Variants in PTPN4 observed in about 807,000 individuals in gnomAD.
PTPN4 encodes tyrosine-protein phosphatase non-receptor type 4.
In PTPN4, 49 loss-of-function variants were observed where a neutral mutation model predicts 135.5. The observed-to-expected ratio is 0.36, with a 90% CI of 0.29 to 0.46. The LOEUF is 0.46. Among genes scored for constraint, PTPN4 ranks in the 20% least tolerant of loss-of-function variants. The pLI is 1.00. For synonymous variants in PTPN4, 333 were observed against 369.9 expected (o/e 0.90, Z 1.14); for missense variants, 860 against 1,101.0 (o/e 0.78, Z 3.10).
At chr2:119,881,120 G>C (rs529571310) in intron 5 of PTPN4, among the ~76,000 whole-genome samples, 7 of 152,270 alleles carry the variant, frequency 4.6e-5, no homozygotes, top group African/African-American at 1.7e-4. Context: ...AGAGACCAAA[G>C]GACAATGCTA....
chr2:119,793,110 C>T (rs1030698063), intron 1 of PTPN4, among the ~76,000 whole-genome samples: 3 of 152,134 alleles, frequency 2.0e-5, no homozygotes, highest in Non-Finnish European at 2.9e-5. Flanking sequence ...CTGGAATTTC[C>T]TAATCCTAGC....
At chr2:119,922,684 T>C (rs879636018) in intron 12 of PTPN4, among the ~76,000 whole-genome samples, 8 of 152,214 alleles carry the variant, frequency 5.3e-5, no homozygotes, top group Admixed American at 2.6e-4. Flanking sequence ...CAGGGTCAAA[T>C]TGGAATCATG....
chr2:119,976,057 G>C (rs1302818110), intron 26 of PTPN4, among the ~76,000 whole-genome samples: 1 of 149,064 alleles, frequency 6.7e-6, no homozygotes, highest in Non-Finnish European at 1.5e-5. Context: ...GCACAGTGGC[G>C]CGATCTCGGC....
At chr2:119,798,253 G>A (rs1574339559) in intron 1 of PTPN4, among the ~76,000 whole-genome samples, 1 of 150,396 alleles carries the variant, frequency 6.6e-6, no homozygotes, top group African/African-American at 2.4e-5. Flanking sequence ...TGCAACCTCC[G>A]CCTTCCAGGT....
intron 23 of PTPN4, among the ~76,000 whole-genome samples, chr2:119,961,925 T>C (rs576193032): frequency 2.0e-5 from 3 of 152,224 alleles, no homozygotes; most frequent in South Asian, 4.1e-4. Flanking sequence ...TGACTACTAA[T>C]TGGTATAGGG....
chr2:119,860,935 G>C (rs1367080442), intron 2 of PTPN4, among the ~76,000 whole-genome samples: 3 of 152,042 alleles, frequency 2.0e-5, no homozygotes, highest in African/African-American at 7.2e-5. Flanking sequence ...TGGCTACTCA[G>C]GAGGCTGAGA....
chr2:119,921,466 A>G (rs977538891), intron 12 of PTPN4, among the ~76,000 whole-genome samples: 9 of 152,190 alleles, frequency 5.9e-5, no homozygotes, highest in Non-Finnish European at 1.2e-4. Context: ...AGCTTAGTAC[A>G]GGATATGTCA....
rs1679738161 is a variant in PTPN4 at position 119,984,562 on chromosome 2, C to T, written c.*7492C>T. 6.6e-6 allele frequency among the ~76,000 whole-genome samples: 1 copy of T among 152,158 alleles called. No individual in the cohort carries two copies. Among genetic ancestry groups the T allele is most frequent in the Admixed American group, 6.5e-5 (1 of 15,272 alleles). ...TGTGTATAAGCTTGAATTTGGTCAACACTGCATAATTTGAAATCACTCTGC... is the reference window on the plus strand; with the variant it reads ...TGTGTATAAGCTTGAATTTGGTCAATACTGCATAATTTGAAATCACTCTGC... On this transcript the variant is annotated 3_prime_UTR_variant, in exon 27 of 27. Transcript: ENST00000263708.
chr2:119,803,207 T>C (rs1691405943), intron 1 of PTPN4, among the ~76,000 whole-genome samples: 2 of 152,188 alleles, frequency 1.3e-5, no homozygotes, highest in Admixed American at 1.3e-4. Flanking sequence ...TGTTATTTCC[T>C]TCCTTCTGTT....
intron 2 of PTPN4, among the ~76,000 whole-genome samples, chr2:119,859,022 T>G (rs899893038): frequency 6.6e-6 from 1 of 152,184 alleles, no homozygotes; most frequent in Non-Finnish European, 1.5e-5. Context: ...TTTATTCTTT[T>G]GTTGAGCCCA....
intron 2 of PTPN4, among the ~76,000 whole-genome samples, chr2:119,830,007 A>C (rs1677196664): frequency 6.6e-6 from 1 of 151,778 alleles, no homozygotes; most frequent in Non-Finnish European, 1.5e-5. Context: ...TTTAATAGCT[A>C]TCTTAGTAGG....
intron 2 of PTPN4, among the ~76,000 whole-genome samples, chr2:119,845,557 G>A (rs1473711086): frequency 6.6e-6 from 1 of 151,928 alleles, no homozygotes; most frequent in Non-Finnish European, 1.5e-5. Flanking sequence ...TGTAACTTCA[G>A]TATTAATGTA....
At chr2:119,958,466 G>A (rs1679321282) in intron 22 of PTPN4, among the ~76,000 whole-genome samples, 1 of 152,114 alleles carries the variant, frequency 6.6e-6, no homozygotes, top group African/African-American at 2.4e-5. Context: ...GTATAAAAGA[G>A]TCCCCCCATA....
chr2:119,857,579 GAAA>G (rs772791546), intron 2 of PTPN4, among the ~76,000 whole-genome samples: 1 of 116,298 alleles, frequency 8.6e-6, no homozygotes. Context: ...TTTACTAAAA[GAAA>G]AAAAAAAAAA....
chr2:119,821,470 T>C (rs1022122618), intron 2 of PTPN4, among the ~76,000 whole-genome samples: 2 of 152,176 alleles, frequency 1.3e-5, no homozygotes, highest in African/African-American at 4.8e-5. Flanking sequence ...GTAATAGTAT[T>C]ATGACACTTT....
At chr2:119,975,998 TA>T (rs776802067) in intron 26 of PTPN4, among the ~76,000 whole-genome samples, 6,645 of 81,870 alleles carry the variant, frequency 0.081, 162 homozygotes, top group South Asian at 0.2. Flanking sequence ...TTTATTTATT[TA>T]TTTTTTTTTT....
At chr2:119,912,488 T>G (rs1341501673) in intron 10 of PTPN4, among the ~76,000 whole-genome samples, 1 of 152,222 alleles carries the variant, frequency 6.6e-6, no homozygotes, top group Non-Finnish European at 1.5e-5. Context: ...GCATTGGTGG[T>G]ATAATGATGA....
chr2:119,846,327 T>C (rs188730735), intron 2 of PTPN4, among the ~76,000 whole-genome samples: 38 of 152,362 alleles, frequency 2.5e-4, no homozygotes, highest in Admixed American at 1.2e-3. Flanking sequence ...GTCTGTTTTA[T>C]AGGTACATAT....
chr2:119,788,128 C>T (rs1050791445), intron 1 of PTPN4, among the ~76,000 whole-genome samples: 11 of 151,970 alleles, frequency 7.2e-5, no homozygotes, highest in African/African-American at 2.2e-4. Context: ...TTGATGTGTT[C>T]GTAAGAAAAC....
Sources: allele counts gnomAD v4.1 joint callset (sites outside exome capture counted in the v4.1 genomes callset), GRCh38; gene constraint gnomAD v4.1.1; transcripts MANE v1.5; gene names NCBI Gene and HGNC (gene_info 2026-07-23, HGNC 2026-07-21).